FARP1: variants seen among roughly 807,000 people sequenced by gnomAD.
FARP1 encodes FERM, ARHGEF and pleckstrin domain-containing protein 1.
FARP1 carries 52 observed loss-of-function variants against 128.8 expected under a neutral mutation model. That is an observed-to-expected ratio of 0.40 (90% confidence interval 0.32 to 0.51). The LOEUF (loss-of-function observed/expected upper bound fraction) is 0.51. Ranked by LOEUF, FARP1 falls within the 20% of genes least tolerant of loss-of-function variation. The pLI, the probability that FARP1 is intolerant of heterozygous loss-of-function variation, is 0.45. For missense variants in FARP1, 1,333 were observed against 1,367.9 expected (o/e 0.97, Z 0.40); for synonymous variants, 580 against 551.8 (o/e 1.05, Z -0.72).
intron 2 of FARP1, among the ~76,000 whole-genome samples, chr13:98,278,595 A>G (rs760726106): frequency 5.3e-5 from 8 of 152,092 alleles, no homozygotes; most frequent in Non-Finnish European, 1.0e-4. Context: ...TTCGGAGTGT[A>G]TATTGATTGG....
Position 98,365,841 on chromosome 13 carries a change from A to C in FARP1, c.319+404A>C, listed in dbSNP as rs182364482. Among the ~76,000 whole-genome samples the C allele has an allele frequency of 1.5e-4, 23 of 151,804 alleles. No individual in the cohort carries two copies. In the East Asian group the frequency reaches 4.4e-3, roughly 29 times the overall value. ...TTCAAAGCCTGTGAAATCAGAATGC[A>C]GGTATTGTTTGGGAAAAAGAGTGGC... On this transcript the variant is annotated intron_variant, in intron 4 of 26. Coordinates refer to ENST00000319562, the MANE Select transcript of FARP1 (RefSeq NM_005766.4).
intron 3 of FARP1, among the ~76,000 whole-genome samples, chr13:98,353,744 A>G (rs1357133410): frequency 6.6e-6 from 1 of 152,192 alleles, no homozygotes; most frequent in Non-Finnish European, 1.5e-5. Context: ...TGAAAAGGAA[A>G]AAGGTATACA....
chr13:98,314,817 A>G (rs1886652458), intron 2 of FARP1, among the ~76,000 whole-genome samples: 1 of 152,206 alleles, frequency 6.6e-6, no homozygotes, highest in Non-Finnish European at 1.5e-5. Context: ...CTCTAGGGAA[A>G]TAGGATGAGC....
chr13:98,348,936 T>C (rs1477192026), intron 3 of FARP1, among the ~76,000 whole-genome samples: 1 of 152,096 alleles, frequency 6.6e-6, no homozygotes, highest in Non-Finnish European at 1.5e-5. Context: ...CAATGAAATG[T>C]GTAACCAGGA....
At position 98,448,372 on chromosome 13, in the gene FARP1, C is replaced by T; in HGVS notation, c.*55C>T. The T allele has an allele frequency of 7.4e-7, 1 of 1,353,624 alleles. No homozygotes were observed. The highest frequency in any genetic ancestry group is 1.1e-6 in the Non-Finnish European group (1 of 942,506). 83.9% of individuals were successfully genotyped at this position (1,353,624 alleles called of 1,614,324 possible). On this transcript the variant is annotated 3_prime_UTR_variant, in exon 27 of 27. Coordinates refer to ENST00000319562, the MANE Select transcript of FARP1 (RefSeq NM_005766.4). Reference sequence around the variant, plus strand: ...TGCTTTCCTGGAAGACGTTTCCTTTCTTCTGTATTAATGAAGCCTGGTAAA... The same window carrying T: ...TGCTTTCCTGGAAGACGTTTCCTTTTTTCTGTATTAATGAAGCCTGGTAAA...
chr13:98,310,340 C>T (rs7334467), intron 2 of FARP1, among the ~76,000 whole-genome samples: 10,583 of 152,134 alleles, frequency 0.07, 1,137 homozygotes, highest in African/African-American at 0.23. Flanking sequence ...GTTATAGCCA[C>T]AGCCTGAAAT....
chr13:98,158,896 A>G (rs1426118096), intron 1 of FARP1, among the ~76,000 whole-genome samples: 1 of 152,182 alleles, frequency 6.6e-6, no homozygotes, highest in African/African-American at 2.4e-5. Context: ...GGAGCTAGAC[A>G]GGGATGGCTC....
At chr13:98,365,374 C>A (rs754719551) in intron 3 of FARP1, 21 bp from the exon 4 acceptor site, 16 of 1,595,744 alleles carry the variant, frequency 1.0e-5, no homozygotes, top group East Asian at 2.2e-5. Context: ...AGGTCTTAAT[C>A]TGTTCTTTTT....
intron 3 of FARP1, among the ~76,000 whole-genome samples, chr13:98,347,006 AT>A (rs1888205013): frequency 6.6e-6 from 1 of 152,256 alleles, no homozygotes. Context: ...AGTAGCAGAA[AT>A]GATGACCAAA....
chr13:98,266,227 C>T (rs1028251207), intron 2 of FARP1, among the ~76,000 whole-genome samples: 9 of 152,168 alleles, frequency 5.9e-5, no homozygotes, highest in Non-Finnish European at 1.2e-4. Context: ...ACATTGGCAG[C>T]GATTTGTACA....
Position 98,452,148 on chromosome 13 carries a change from A to G in FARP1, c.*3831A>G, listed in dbSNP as rs1428028177. 1 of 152,226 alleles carries G rather than the reference A, an allele frequency of 6.6e-6. No homozygotes were observed. The highest frequency in any genetic ancestry group is 2.4e-5 in the African/African-American group (1 of 41,466). The allele number at this position is 152,226 out of a possible 1,614,324, so 9.4% of individuals were successfully genotyped here. ...TCCTCTGAAGAGTCACATTTCAAGGAGTATGCAAAATAAGCGTGTTATAAA... is the reference window on the plus strand; with the variant it reads ...TCCTCTGAAGAGTCACATTTCAAGGGGTATGCAAAATAAGCGTGTTATAAA... On this transcript the variant is annotated 3_prime_UTR_variant, in exon 27 of 27. Transcript: ENST00000319562.
At chr13:98,335,774 C>T (rs1157841845) in intron 2 of FARP1, among the ~76,000 whole-genome samples, 2 of 152,100 alleles carry the variant, frequency 1.3e-5, no homozygotes, top group Non-Finnish European at 2.9e-5. Flanking sequence ...TTGTGATGCC[C>T]TAAGATGAGA....
intron 2 of FARP1, among the ~76,000 whole-genome samples, chr13:98,339,348 A>G (rs1427175241): frequency 6.6e-6 from 1 of 152,128 alleles, no homozygotes; most frequent in Non-Finnish European, 1.5e-5. Flanking sequence ...ATACTTTTAA[A>G]CCATCAGATC....
intron 16 of FARP1, among the ~76,000 whole-genome samples, chr13:98,419,839 G>A (rs572127502): frequency 7.2e-5 from 11 of 152,248 alleles, no homozygotes; most frequent in Middle Eastern, 3.4e-3. Flanking sequence ...AAGCTGCACC[G>A]CTGGCATGTG....
At chr13:98,304,905 G>T (rs1886074418) in intron 2 of FARP1, among the ~76,000 whole-genome samples, 1 of 152,154 alleles carries the variant, frequency 6.6e-6, no homozygotes, top group African/African-American at 2.4e-5. Flanking sequence ...AACAAAGCAT[G>T]TGCCACAAAG....
At chr13:98,342,558 G>T (rs904479535) in intron 2 of FARP1, among the ~76,000 whole-genome samples, 4 of 151,168 alleles carry the variant, frequency 2.6e-5, no homozygotes, top group African/African-American at 9.7e-5. Context: ...AAATTAGCGG[G>T]GCATGGTGGC....
rs1361446641 is a variant in FARP1, at chr13:98,451,094, TG to T, written c.*2778del. On this transcript the variant is annotated 3_prime_UTR_variant, in exon 27 of 27. Coordinates refer to ENST00000319562, the MANE Select transcript of FARP1 (RefSeq NM_005766.4). The stretch of plus-strand genomic sequence containing the variant: ...CCAGTCCCTCGAGCGGCTCACCCAC[TG>T]TTACTAGCATGAGACTGGCTTCAGT... 6.6e-6 allele frequency: 1 copy of T among 152,212 alleles called. No individual in the cohort carries two copies. The highest frequency in any genetic ancestry group is 1.5e-5 in the Non-Finnish European group (1 of 68,038). The allele number at this position is 152,212 out of a possible 1,614,324, so 9.4% of individuals were successfully genotyped here.
chr13:98,272,587 TG>T (rs1453046297), intron 2 of FARP1, among the ~76,000 whole-genome samples: 1 of 152,130 alleles, frequency 6.6e-6, no homozygotes, highest in Non-Finnish European at 1.5e-5. Context: ...AAATGTCACT[TG>T]TTTGGTTGCA....
intron 2 of FARP1, among the ~76,000 whole-genome samples, chr13:98,339,126 C>A (rs192796610): frequency 6.6e-6 from 1 of 152,166 alleles, no homozygotes; most frequent in Non-Finnish European, 1.5e-5. Context: ...CATTTGTATT[C>A]GTCCATTCTC....
Sources: gnomAD v4.1 joint callset for allele counts (sites outside exome capture counted in the v4.1 genomes callset) on GRCh38, gnomAD v4.1.1 for gene constraint, MANE v1.5 for transcripts, NCBI Gene and HGNC (gene_info 2026-07-23, HGNC 2026-07-21) for gene names.